COL19A1: variants seen among roughly 807,000 people sequenced by gnomAD.
COL19A1 encodes collagen type XIX alpha 1 chain, also known as collagen alpha-1(XIX) chain.
Under a neutral mutation model 190.2 loss-of-function variants are expected in COL19A1, and 159 were observed. That is an observed-to-expected ratio of 0.84 (90% confidence interval 0.73 to 0.95). The LOEUF (loss-of-function observed/expected upper bound fraction) is 0.95, where lower values mean the gene tolerates loss of function less well. Among genes scored for constraint, COL19A1 ranks in the 40% least tolerant of loss-of-function variants. The probability of loss-of-function intolerance (pLI) is 0.00; values close to 1 mark genes in which losing one functional copy is unlikely to be tolerated. For missense variants in COL19A1, 1,418 were observed against 1,431.9 expected (o/e 0.99, Z 0.16); for synonymous variants, 509 against 458.9 (o/e 1.11, Z -1.39).
At position 69,879,550 on chromosome 6, in the gene COL19A1, A is replaced by G. The variant is rs1278902602; in HGVS notation, c.-18A>G. The stretch of plus-strand genomic sequence containing the variant: ...TTCTGTTGCAGATCCGTGGCCGTTC[A>G]CATGGTTTCAAGGCACAATGAGACT... On this transcript the variant is annotated 5_prime_UTR_variant, in exon 2 of 51. Coordinates refer to ENST00000620364, the MANE Select transcript of COL19A1 (RefSeq NM_001858.6). The G allele has an allele frequency of 1.2e-6, 2 of 1,611,356 alleles. No homozygotes were observed. The highest frequency in any genetic ancestry group is 1.7e-6 in the Non-Finnish European group (2 of 1,177,970).
rs144216698 is a variant in COL19A1 at position 70,075,534 on chromosome 6, G to C, written c.1224+7058G>C. 2.6e-3 allele frequency among the ~76,000 whole-genome samples: 399 copies of C among 152,292 alleles called. 5 individuals carry two copies. The highest frequency in any genetic ancestry group is 9.2e-3 in the African/African-American group (383 of 41,552). On this transcript the variant is annotated intron_variant, in intron 15 of 50. Transcript: ENST00000620364. ...TTGCCTCATATTCTCTTACTGGTGG[G>C]AAAGATAAATCAAGGAAAAAGATGT...
At chr6:69,882,618 C>A (rs1768637781) in intron 2 of COL19A1, among the ~76,000 whole-genome samples, 2 of 152,136 alleles carry the variant, frequency 1.3e-5, no homozygotes, top group South Asian at 4.1e-4. Context: ...AAAAAACAGG[C>A]TAAATAAATA....
intron 9 of COL19A1, among the ~76,000 whole-genome samples, chr6:69,944,048 T>C (rs1438986043): frequency 1.3e-5 from 2 of 152,078 alleles, no homozygotes; most frequent in Admixed American, 1.3e-4. Context: ...CGTACCCTCT[T>C]CCCTTGTTCA....
intron 14 of COL19A1, among the ~76,000 whole-genome samples, chr6:70,064,833 A>C (rs1781077952): frequency 6.6e-6 from 1 of 152,216 alleles, no homozygotes; most frequent in African/African-American, 2.4e-5. Context: ...AGAGAGCCAA[A>C]TCATGAGTGA....
chr6:69,867,527 G>C (rs2149925762), intron 1 of COL19A1: 1 of 152,454 alleles, frequency 6.6e-6, no homozygotes, highest in Admixed American at 6.5e-5. Context: ...CGAGAACCAG[G>C]AGGCGGCGCC....
rs530370054 is a variant in COL19A1, at chr6:70,170,263, C to T, written c.2568+1582C>T. On this transcript the variant is annotated intron_variant, in intron 40 of 50. Coordinates refer to ENST00000620364, the MANE Select transcript of COL19A1 (RefSeq NM_001858.6). ...CCCTGCAACTCTCATCATCTCCCAC[C>T]AGCTGTCCTGTAGGGAAAAATAATA... 2.0e-5 allele frequency among the ~76,000 whole-genome samples: 3 copies of T among 152,144 alleles called. No individual in the cohort carries two copies. The South Asian group carries it at 6.2e-4, about 32-fold the overall frequency.
intron 41 of COL19A1, 37 bp downstream of exon 41, chr6:70,172,054 A>C (rs376786153): frequency 5.0e-6 from 8 of 1,597,408 alleles, no homozygotes; most frequent in Non-Finnish European, 6.8e-6. Flanking sequence ...CATTTATTCA[A>C]CATTCAAAAT....
chr6:69,933,364 G>T lies in COL19A1; in HGVS notation c.747+501G>T, dbSNP rs1412765569. 5.3e-5 allele frequency among the ~76,000 whole-genome samples: 8 copies of T among 151,996 alleles called. No individual in the cohort carries two copies. The East Asian group carries it at 1.5e-3, about 29-fold the overall frequency. On this transcript the variant is annotated intron_variant, in intron 7 of 50. Transcript: ENST00000620364. ...TGCCTTCCCTATGTCCTGCCCCTTT[G>T]CTTTGCAGCATAACCAGAATAAGTC...
At chr6:70,069,294 C>T (rs76294071) in intron 15 of COL19A1, among the ~76,000 whole-genome samples, 7,676 of 152,044 alleles carry the variant, frequency 0.05, 251 homozygotes, top group Non-Finnish European at 0.075. Flanking sequence ...TATTATTAAC[C>T]CCAAATATGT....
chr6:70,115,861 G>A (rs1175794979), intron 16 of COL19A1, among the ~76,000 whole-genome samples: 1 of 135,852 alleles, frequency 7.4e-6, no homozygotes, highest in Non-Finnish European at 1.5e-5. Context: ...GAAGGTGTTG[G>A]TATCCCTTTA....
intron 11 of COL19A1, among the ~76,000 whole-genome samples, chr6:69,974,482 G>A (rs1402410351): frequency 6.6e-6 from 1 of 152,044 alleles, no homozygotes; most frequent in Non-Finnish European, 1.5e-5. Context: ...TTCATGTCTT[G>A]GTAAGAACTA....
chr6:69,921,481 T>TATATATATATATATTC (rs1771892517), intron 4 of COL19A1, among the ~76,000 whole-genome samples: 1 of 86,434 alleles, frequency 1.2e-5, no homozygotes, highest in East Asian at 2.9e-4. Context: ...CATATATTCA[T>TATATATATATATATTC]ATATATTCAT....
intron 4 of COL19A1, among the ~76,000 whole-genome samples, chr6:69,920,895 C>T (rs553807816): frequency 7.3e-6 from 1 of 136,664 alleles, no homozygotes; most frequent in Non-Finnish European, 1.6e-5. Context: ...AATTTCTAGT[C>T]ATATATATAT....
intron 48 of COL19A1, among the ~76,000 whole-genome samples, chr6:70,192,671 G>A (rs1218708123): frequency 1.3e-5 from 2 of 152,118 alleles, no homozygotes. Context: ...TACATAATTT[G>A]CGGTGTTCAG....
intron 9 of COL19A1, among the ~76,000 whole-genome samples, chr6:69,952,927 A>G (rs575411525): frequency 6.6e-6 from 1 of 152,032 alleles, no homozygotes; most frequent in African/African-American, 2.4e-5. Context: ...CAGATGTAGC[A>G]TTAATGCTTC....
intron 19 of COL19A1, among the ~76,000 whole-genome samples, chr6:70,139,882 T>C (rs1302376373): frequency 1.3e-5 from 2 of 151,702 alleles, no homozygotes; most frequent in Non-Finnish European, 2.9e-5. Flanking sequence ...GAGCCAGGAC[T>C]AAATATCAAG....
At chr6:69,974,436 T>G (rs1020189357) in intron 11 of COL19A1, among the ~76,000 whole-genome samples, 1 of 152,198 alleles carries the variant, frequency 6.6e-6, no homozygotes, top group African/African-American at 2.4e-5. Context: ...TGCCTCCCAC[T>G]TAAGGTTTAC....
chr6:69,986,640 C>T (rs896387790), intron 11 of COL19A1, among the ~76,000 whole-genome samples: 11 of 152,236 alleles, frequency 7.2e-5, no homozygotes, highest in African/African-American at 2.6e-4. Flanking sequence ...CTATCTAGAA[C>T]GAACTTCTGG....
chr6:70,156,491 T>C, intron 33 of COL19A1, 122 bp downstream of exon 33: 1 of 992,114 alleles, frequency 1.0e-6, no homozygotes, highest in Non-Finnish European at 1.5e-6. Flanking sequence ...TATGTATGTA[T>C]ATGGAGAGAG....
Sources: allele counts gnomAD v4.1 joint callset (sites outside exome capture counted in the v4.1 genomes callset), GRCh38; gene constraint gnomAD v4.1.1; transcripts MANE v1.5; gene names NCBI Gene and HGNC (gene_info 2026-07-23, HGNC 2026-07-21).